Variants in CYP2C8 observed in about 807,000 individuals in gnomAD.
CYP2C8 encodes cytochrome P450 2C8.
Under a neutral mutation model 41.3 loss-of-function variants are expected in CYP2C8, and 51 were observed. The observed-to-expected ratio is 1.24, with a 90% confidence interval of 0.99 to 1.56. The LOEUF (loss-of-function observed/expected upper bound fraction) is 1.56. Among genes scored for constraint, CYP2C8 ranks in the 40% most tolerant of loss-of-function variants. CYP2C8 has a pLI of 0.00. For synonymous variants in CYP2C8, 218 were observed against 205.8 expected (o/e 1.06, Z -0.51); for missense variants, 651 against 579.9 (o/e 1.12, Z -1.26).
rs576514875 is a variant in CYP2C8, at chr10:95,049,027, A to C, written c.820-3076T>G. ...AAAAGAAATGACAAGCAGAGTAAAC[A>C]TACAACCTACAGAATGGGAGAAAAT... On this transcript the variant is annotated intron_variant, in intron 5 of 8. Coordinates refer to ENST00000371270, the MANE Select transcript of CYP2C8 (RefSeq NM_000770.3). Among the ~76,000 whole-genome samples the C allele has an allele frequency of 2.8e-3, 430 of 152,316 alleles. 1 individual carries two copies. The highest frequency in any genetic ancestry group is 4.7e-3 in the Non-Finnish European group (320 of 68,016).
At chr10:95,061,190 T>C (rs901035579) in intron 4 of CYP2C8, among the ~76,000 whole-genome samples, 2 of 152,234 alleles carry the variant, frequency 1.3e-5, no homozygotes, top group African/African-American at 4.8e-5. Context: ...CTTTTTCTAT[T>C]GATTGGAATA....
intron 7 of CYP2C8, among the ~76,000 whole-genome samples, chr10:95,041,268 TAAAAC>T (rs1232730026): frequency 2.0e-5 from 3 of 152,310 alleles, no homozygotes; most frequent in African/African-American, 4.8e-5. Flanking sequence ...CTAAAATACT[TAAAAC>T]AGCAGCAATT....
chr10:95,039,443 A>G (rs1351825873), intron 7 of CYP2C8: 3 of 207,616 alleles, frequency 1.4e-5, no homozygotes, highest in South Asian at 8.5e-5. Context: ...ACTTTTGTAA[A>G]TAAACATGTA....
At chr10:95,039,426 T>C (rs191531484) in intron 7 of CYP2C8, 2 of 225,048 alleles carry the variant, frequency 8.9e-6, no homozygotes, top group East Asian at 2.2e-4. Context: ...GAGTATCTGT[T>C]CATAGAACTT....
intron 5 of CYP2C8, among the ~76,000 whole-genome samples, chr10:95,056,954 T>G (rs1162969540): frequency 6.6e-6 from 1 of 152,162 alleles, no homozygotes; most frequent in Non-Finnish European, 1.5e-5. Context: ...GGTACAGCTC[T>G]GCGAGGGCTC....
intron 5 of CYP2C8, among the ~76,000 whole-genome samples, chr10:95,049,389 T>C (rs1299232480): frequency 6.6e-6 from 1 of 152,148 alleles, no homozygotes; most frequent in African/African-American, 2.4e-5. Context: ...ATTACTGACA[T>C]CCTCTCTTCC....
intron 4 of CYP2C8, among the ~76,000 whole-genome samples, chr10:95,058,898 G>T (rs896136770): frequency 1.3e-5 from 2 of 151,874 alleles, no homozygotes; most frequent in South Asian, 2.1e-4. Flanking sequence ...GCAGTGTTTG[G>T]TTTTTTTGTC....
intron 4 of CYP2C8, among the ~76,000 whole-genome samples, chr10:95,064,014 C>A (rs995064263): frequency 2.6e-5 from 4 of 152,176 alleles, no homozygotes; most frequent in African/African-American, 4.8e-5. Flanking sequence ...GGGTACCCAG[C>A]CCTGTGAGGT....
intron 6 of CYP2C8, among the ~76,000 whole-genome samples, chr10:95,043,885 C>CACATAT (rs748655657): frequency 2.8e-4 from 43 of 152,106 alleles, no homozygotes; most frequent in East Asian, 1.5e-3. Flanking sequence ...CACACACACA[C>CACATAT]ACATATACAC....
At chr10:95,054,258 AAATC>A (rs1389967228) in intron 5 of CYP2C8, among the ~76,000 whole-genome samples, 2 of 152,104 alleles carry the variant, frequency 1.3e-5, no homozygotes, top group African/African-American at 2.4e-5. Flanking sequence ...TTCAATAAGA[AAATC>A]AATCAATGTA....
At chr10:95,042,794 A>T in intron 7 of CYP2C8, 96 bp downstream of exon 7, 1 of 1,026,514 alleles carries the variant, frequency 9.7e-7, no homozygotes, top group Non-Finnish European at 1.5e-6. Context: ...TGAGTTTTGC[A>T]CTTCTCTCAT....
At chr10:95,037,368 AC>A (rs2032906663) in intron 8 of CYP2C8, 59 bp from the exon 9 acceptor site, 2 of 1,489,578 alleles carry the variant, frequency 1.3e-6, no homozygotes, top group Non-Finnish European at 1.9e-6. Context: ...ACTGTGACAA[AC>A]AGTCATTTGT....
At chr10:95,042,832 A>G (rs2033029285) in intron 7 of CYP2C8, 58 bp downstream of exon 7, 6 of 1,477,196 alleles carry the variant, frequency 4.1e-6, no homozygotes, top group Non-Finnish European at 5.7e-6. Flanking sequence ...TTGGAACCAA[A>G]CCAGCACTAT....
At chr10:95,067,888 C>T (rs879871034) in intron 1 of CYP2C8, among the ~76,000 whole-genome samples, 197 bp from the exon 2 acceptor site, 3 of 152,284 alleles carry the variant, frequency 2.0e-5, no homozygotes, top group Non-Finnish European at 2.9e-5. Flanking sequence ...TGATGTGCCA[C>T]GCAATGACCC....
rs2033592285 is a variant in CYP2C8 at position 95,067,349 on chromosome 10, A to C, written c.340T>G (p.Ser114Ala). 2 of 1,605,854 alleles carry C rather than the reference A, an allele frequency of 1.2e-6. No individual in the cohort carries two copies. The highest frequency in any genetic ancestry group is 3.4e-5 in the Admixed American group (2 of 59,430). ...TCCTTCCATCTCTTTCCATTGCTGG[A>C]AATGATTCCTAATAAAAAAAGGGGC... Reference protein sequence around the residue: ...QRITKGLGIISSNGKRWKEIR... With the variant: ...QRITKGLGIIASNGKRWKEIR... Residue 114 changes from serine (S) to alanine (A), a missense_variant, in exon 3 of 9, where the codon TCC becomes GCC. Coordinates refer to ENST00000371270, the MANE Select transcript of CYP2C8 (RefSeq NM_000770.3).
At chr10:95,042,577 A>C (rs553936112) in intron 7 of CYP2C8, among the ~76,000 whole-genome samples, 1 of 152,360 alleles carries the variant, frequency 6.6e-6, no homozygotes, top group South Asian at 2.1e-4. Context: ...ATGCATGAAC[A>C]TGTTAAGTCT....
At chr10:95,066,145 AGAGAGAGAGTGTGT>A (rs1423358874) in intron 3 of CYP2C8, among the ~76,000 whole-genome samples, 10 of 114,604 alleles carry the variant, frequency 8.7e-5, no homozygotes, top group Admixed American at 5.0e-4. Flanking sequence ...AGAGAGAGAG[AGAGAGAGAGTGTGT>A]GTGTGTGTGT....
In CYP2C8 at chr10:95,037,328, G is replaced by C; in HGVS notation, c.1292-19C>G. On this transcript the variant is annotated intron_variant, in intron 8 of 8. Transcript: ENST00000371270. ...CGTTTTCCTGAAGATAACAAAGAAA[G>C]GAAGTAGTTACTCCTTGTGTTTAAC... 1.2e-6 allele frequency: 2 copies of C among 1,610,578 alleles called. No homozygotes were observed. The highest frequency in any genetic ancestry group is 1.7e-6 in the Non-Finnish European group (2 of 1,178,118).
intron 1 of CYP2C8, 51 bp downstream of exon 1, chr10:95,069,184 T>C: frequency 1.2e-6 from 2 of 1,604,178 alleles, no homozygotes; most frequent in Non-Finnish European, 1.7e-6. Context: ...AAAATAGCAG[T>C]CAAATAACTT....
Sources: allele counts gnomAD v4.1 joint callset (sites outside exome capture counted in the v4.1 genomes callset), GRCh38; gene constraint gnomAD v4.1.1; transcripts MANE v1.5; gene names NCBI Gene and HGNC (gene_info 2026-07-23, HGNC 2026-07-21).